TARS3: variants seen among roughly 807,000 people sequenced by gnomAD.
TARS3 encodes the protein threonine--tRNA ligase 2, cytoplasmic.
Under a neutral mutation model 103.5 loss-of-function variants are expected in TARS3, and 94 were observed. The ratio of observed to expected loss-of-function variants is 0.91; its 90% confidence interval spans 0.77 to 1.08. The LOEUF (loss-of-function observed/expected upper bound fraction) is 1.08, where lower values mean the gene tolerates loss of function less well. TARS3 is among the 50% of genes least tolerant of loss of function. TARS3 has a pLI of 0.00. For synonymous variants in TARS3, 416 were observed against 355.4 expected (o/e 1.17, Z -1.92); for missense variants, 952 against 995.2 (o/e 0.96, Z 0.58).
rs56149602 is a variant in TARS3, at chr15:101,674,804, CA to C, written c.1788+795del. Reference sequence around the variant, plus strand: ...TGAGCAACAGAGCAAGACTCCGTCTCAAAAAAAAAAAGAAAAAAAGAAAAAA... The same window carrying C: ...TGAGCAACAGAGCAAGACTCCGTCTCAAAAAAAAAAGAAAAAAAGAAAAAA... On this transcript the variant is annotated intron_variant, in intron 13 of 18. Transcript: ENST00000335968. Among the ~76,000 whole-genome samples the C allele has an allele frequency of 4.4e-3, 528 of 119,830 alleles. 2 individuals carry two copies. Among genetic ancestry groups the C allele is most frequent in the African/African-American group, 0.013 (432 of 32,282 alleles). 78.6% of individuals were successfully genotyped at this position (119,830 alleles called of 152,430 possible). A position where few individuals can be genotyped will look rare whatever the true frequency, so the allele number is the denominator to read the frequency against.
At chr15:101,681,171 G>A (rs945111827) in intron 12 of TARS3, among the ~76,000 whole-genome samples, 2 of 152,074 alleles carry the variant, frequency 1.3e-5, no homozygotes, top group Non-Finnish European at 2.9e-5. Context: ...CATGATTACT[G>A]TAGTTTCTCA....
chr15:101,708,740 T>C, intron 6 of TARS3, 53 bp downstream of exon 6: 1 of 1,176,710 alleles, frequency 8.5e-7, no homozygotes, highest in Non-Finnish European at 1.3e-6. Flanking sequence ...GAAGCTAGTC[T>C]ATATTGATTT....
intron 12 of TARS3, among the ~76,000 whole-genome samples, chr15:101,679,613 T>C (rs1898174981): frequency 6.6e-6 from 1 of 152,252 alleles, no homozygotes; most frequent in South Asian, 2.1e-4. Flanking sequence ...ACATCTTTGT[T>C]ATTTCAGTGT....
intron 16 of TARS3, among the ~76,000 whole-genome samples, chr15:101,660,114 C>A (rs899498855): frequency 6.6e-6 from 1 of 152,198 alleles, no homozygotes; most frequent in Non-Finnish European, 1.5e-5. Context: ...TTTGGAGGAA[C>A]TGGTTGCAGT....
In TARS3 at chr15:101,661,771, G is replaced by A. The variant is rs1269112593; in HGVS notation, c.2013C>T (p.Ala671=). 6.2e-7 allele frequency: 1 copy of A among 1,607,434 alleles called. No individual in the cohort carries two copies. ...TCATTCTTTCCACTGATCCCAAAAT[G>A]GCTCGATGAATGATCACAGGTCTCT... ...DKKRPVIIHR[A]ILGSVERMIA... Residue 671 remains alanine (A), a synonymous_variant, in exon 16 of 19, where the codon GCC becomes GCT. Transcript: ENST00000335968.
intron 15 of TARS3, among the ~76,000 whole-genome samples, chr15:101,665,300 GA>G (rs1897538874): frequency 6.6e-6 from 1 of 152,134 alleles, no homozygotes; most frequent in South Asian, 2.1e-4. Flanking sequence ...ACACATAAAG[GA>G]AAAGTGACTG....
Position 101,724,289 on chromosome 15 carries a change from C to T in TARS3, c.99G>A (p.Arg33=). The T allele has an allele frequency of 1.3e-6, 2 of 1,574,072 alleles. No individual in the cohort carries two copies. The highest frequency in any genetic ancestry group is 2.4e-5 in the East Asian group (1 of 41,978). The change falls in exon 1 of 19, where the codon AGG becomes AGA. Residue 33 remains arginine, a synonymous_variant. Transcript: ENST00000335968. Reference sequence around the variant, plus strand: ...TGTAGGGCGCGTTCAGCTGCTCGTCCCTCAGGCGCTCGACCTCCGACCACA... The same window carrying T: ...TGTAGGGCGCGTTCAGCTGCTCGTCTCTCAGGCGCTCGACCTCCGACCACA... ...RWLWSEVERL[R]DEQLNAPYSC... is the part of the protein sequence containing the mutation.
rs1360900767 is a variant in TARS3, at chr15:101,724,426, C to T, written c.-39G>A. ...AGGCACCGACGCCGAGCGGGGTGCC[C>T]GCGACTGCGGCGAGGGCGACGCGGA... On this transcript the variant is annotated 5_prime_UTR_variant, in exon 1 of 19. Transcript: ENST00000335968. The T allele has an allele frequency of 3.7e-6, 5 of 1,364,070 alleles. No homozygotes were observed. The highest frequency in any genetic ancestry group is 7.9e-5 in the Admixed American group (2 of 25,260). 84.5% of individuals were successfully genotyped at this position (1,364,070 alleles called of 1,614,324 possible).
At chr15:101,708,363 T>C (rs1385774024) in intron 6 of TARS3, among the ~76,000 whole-genome samples, 1 of 150,666 alleles carries the variant, frequency 6.6e-6, no homozygotes, top group African/African-American at 2.4e-5. Flanking sequence ...TATATTTAAG[T>C]ACGTTGGTCA....
chr15:101,704,437 G>A (rs1322483245), intron 7 of TARS3, among the ~76,000 whole-genome samples: 3 of 151,998 alleles, frequency 2.0e-5, no homozygotes, highest in South Asian at 2.1e-4. Context: ...GGTGGATCAC[G>A]AGGTCAGGCA....
chr15:101,723,184 T>C lies in TARS3; in HGVS notation c.298-20A>G. On this transcript the variant is annotated intron_variant, in intron 1 of 18. Coordinates refer to ENST00000335968, the MANE Select transcript of TARS3 (RefSeq NM_152334.3). ...AGGAGGCTGAAAGATAAATTATAAA[T>C]GACTCACATCAATGGCAAGAAAAAG... The C allele has an allele frequency of 3.1e-6, 5 of 1,605,842 alleles. No individual in the cohort carries two copies. Among genetic ancestry groups the C allele is most frequent in the East Asian group, 2.2e-5 (1 of 44,830 alleles).
rs967242406 is a variant in TARS3, at chr15:101,702,488, A to T, written c.1075-103T>A. 4.1e-6 allele frequency: 4 copies of T among 985,350 alleles called. No homozygotes were observed. In the African/African-American group the frequency reaches 6.5e-5, roughly 16 times the overall value. 61.0% of individuals were successfully genotyped at this position (985,350 alleles called of 1,614,324 possible). Reference sequence around the variant, plus strand: ...TTTTCCACTATCATATCAACAAAGCAGCCCTGCATGGTGGCTCATGCCTAT... The same window carrying T: ...TTTTCCACTATCATATCAACAAAGCTGCCCTGCATGGTGGCTCATGCCTAT... On this transcript the variant is annotated intron_variant, in intron 8 of 18. Transcript: ENST00000335968.
At chr15:101,693,570 T>C (rs1898830768) in intron 10 of TARS3, among the ~76,000 whole-genome samples, 1 of 152,194 alleles carries the variant, frequency 6.6e-6, no homozygotes, top group Admixed American at 6.5e-5. Flanking sequence ...TCTAGTAAAA[T>C]GAAAACCTAT....
At chr15:101,669,296 T>C (rs1412470397) in intron 15 of TARS3, among the ~76,000 whole-genome samples, 2 of 152,246 alleles carry the variant, frequency 1.3e-5, no homozygotes, top group East Asian at 3.8e-4. Flanking sequence ...AATATTTTTG[T>C]ACAACTATAA....
chr15:101,684,023 G>C, intron 12 of TARS3, 52 bp downstream of exon 12: 1 of 1,550,508 alleles, frequency 6.4e-7, no homozygotes, highest in Non-Finnish European at 8.8e-7. Flanking sequence ...ATGTGTGCGG[G>C]GCATCACACT....
intron 10 of TARS3, among the ~76,000 whole-genome samples, chr15:101,696,616 A>T (rs1224822437): frequency 6.6e-6 from 1 of 152,212 alleles, no homozygotes; most frequent in African/African-American, 2.4e-5. Context: ...CTGAGAAATA[A>T]AAATAAAATC....
intron 15 of TARS3, among the ~76,000 whole-genome samples, chr15:101,668,087 C>T (rs2141387552): frequency 6.6e-6 from 1 of 152,354 alleles, no homozygotes; most frequent in African/African-American, 2.4e-5. Context: ...TTTGTGTTCA[C>T]TGGAGTAGCA....
intron 12 of TARS3, 38 bp from the exon 13 acceptor site, chr15:101,675,775 C>G: frequency 1.9e-6 from 3 of 1,575,084 alleles, no homozygotes; most frequent in African/African-American, 1.4e-5. Flanking sequence ...AATAGAACAT[C>G]AAATTCATTT....
intron 15 of TARS3, among the ~76,000 whole-genome samples, chr15:101,666,437 C>T (rs1897583284): frequency 7.2e-6 from 1 of 139,846 alleles, no homozygotes; most frequent in Non-Finnish European, 1.5e-5. Flanking sequence ...GATTGTCCCA[C>T]TGCACTCCAG....
Sources: gnomAD v4.1 joint callset for allele counts (sites outside exome capture counted in the v4.1 genomes callset) on GRCh38, gnomAD v4.1.1 for gene constraint, MANE v1.5 for transcripts, NCBI Gene and HGNC (gene_info 2026-07-23, HGNC 2026-07-21) for gene names.